CLIC5: variants seen among roughly 807,000 people sequenced by gnomAD.
CLIC5 encodes the protein CLIC family member 5.
Under a neutral mutation model 24.7 loss-of-function variants are expected in CLIC5, and 20 were observed. The ratio of observed to expected loss-of-function variants is 0.81; its 90% CI spans 0.57 to 1.18. CLIC5 has a LOEUF of 1.18. CLIC5 is among the 50% of genes most tolerant of loss of function. The pLI, the probability that CLIC5 is intolerant of heterozygous loss-of-function variation, is 0.00. For synonymous variants in CLIC5, 159 were observed against 135.6 expected, an observed-to-expected ratio of 1.17 and a Z score of -1.20; for missense variants, 341 against 326.1, an observed-to-expected ratio of 1.05 and a Z score of -0.35.
At chr6:45,912,747 G>A in intron 5 of CLIC5, 2 of 1,526,610 alleles carry the variant, frequency 1.3e-6, no homozygotes, top group Non-Finnish European at 1.8e-6. Context: ...TTCCTAAGGA[G>A]AAGAAGAATA....
At chr6:46,017,738 G>T (rs1008604039), upstream of CLIC5, among the ~76,000 whole-genome samples, 1 of 152,220 alleles carries the variant, frequency 6.6e-6, no homozygotes, top group South Asian at 2.1e-4. Flanking sequence ...ATTTACCATG[G>T]TTGGGGTGAG....
intron 4 of CLIC5, among the ~76,000 whole-genome samples, chr6:45,928,907 T>C (rs1339235324): frequency 6.6e-6 from 1 of 152,176 alleles, no homozygotes; most frequent in African/African-American, 2.4e-5. Flanking sequence ...AAAGAACATT[T>C]AACTCATGTG....
the CLIC5 span, among the ~76,000 whole-genome samples, chr6:46,127,581 T>G: frequency 6.6e-6 from 1 of 152,184 alleles, no homozygotes; most frequent in Non-Finnish European, 1.5e-5. Context: ...AATAAGAAAT[T>G]TATGTTACTA....
chr6:46,065,926 C>T (rs1201791654), intron 1 of CLIC5, among the ~76,000 whole-genome samples: 1 of 152,156 alleles, frequency 6.6e-6, no homozygotes, highest in Non-Finnish European at 1.5e-5. Context: ...TATCCCAATA[C>T]TGTTGGCCCC....
chr6:45,918,918 C>T, intron 4 of CLIC5: 1 of 982,856 alleles, frequency 1.0e-6, no homozygotes, highest in Non-Finnish European at 1.2e-6. Context: ...GATGAAGAAA[C>T]TGAGTCTTAG....
chr6:46,032,158 A>G (rs1162521822), intron 1 of CLIC5, among the ~76,000 whole-genome samples: 1 of 152,118 alleles, frequency 6.6e-6, no homozygotes, highest in Admixed American at 6.5e-5. Context: ...GAAACTTACA[A>G]TCATGGTGGA....
upstream of CLIC5, among the ~76,000 whole-genome samples, chr6:46,017,648 A>G (rs111918457): frequency 6.6e-4 from 100 of 152,360 alleles, 1 homozygote; most frequent in African/African-American, 2.2e-3. Flanking sequence ...TCAGAATAAT[A>G]GTTACATGAA....
rs116201007 is a variant in CLIC5, at chr6:46,028,347, G to A, written c.540+51356C>T. On this transcript the variant is annotated intron_variant, in intron 1 of 5. Transcript: ENST00000185206. ...CATACAGCATCACTCATCCCTTCTC[G>A]GGAAGTCCCAGGTGGTTGGAGTCAT... 9.0e-3 allele frequency among the ~76,000 whole-genome samples: 1,365 copies of A among 152,254 alleles called. 20 individuals are homozygous for A. Among genetic ancestry groups the A allele is most frequent in the African/African-American group, 0.029 (1,223 of 41,522 alleles).
At chr6:45,919,745 T>C (rs1471013812) in intron 4 of CLIC5, among the ~76,000 whole-genome samples, 4 of 152,182 alleles carry the variant, frequency 2.6e-5, no homozygotes, top group Non-Finnish European at 5.9e-5. Context: ...TCTACTGTCT[T>C]GTTGAAAATG....
At chr6:46,014,509 T>TGAA (rs1766923460) in intron 1 of CLIC5, 1 of 152,208 alleles carries the variant, frequency 6.6e-6, no homozygotes, top group Admixed American at 6.5e-5. Flanking sequence ...TCCCCCTTTG[T>TGAA]GAAAGGTCTT....
chr6:46,000,341 G>A (rs556507944), intron 1 of CLIC5, among the ~76,000 whole-genome samples: 1 of 152,218 alleles, frequency 6.6e-6, no homozygotes, highest in Non-Finnish European at 1.5e-5. Flanking sequence ...ATAAGATGAT[G>A]GTGCACATGC....
At chr6:46,066,782 T>G (rs904587025) in intron 1 of CLIC5, among the ~76,000 whole-genome samples, 6 of 152,132 alleles carry the variant, frequency 3.9e-5, no homozygotes, top group Non-Finnish European at 7.4e-5. Context: ...TAGAATGATC[T>G]GAAGGTTCAG....
chr6:46,075,174 C>T (rs1762732821), intron 1 of CLIC5, among the ~76,000 whole-genome samples: 1 of 152,048 alleles, frequency 6.6e-6, no homozygotes, highest in Non-Finnish European at 1.5e-5. Context: ...TCATAATGTC[C>T]ATTTTATCAA....
chr6:45,961,275 G>A (rs192404132), intron 1 of CLIC5, among the ~76,000 whole-genome samples: 3 of 152,324 alleles, frequency 2.0e-5, no homozygotes, highest in East Asian at 1.9e-4. Flanking sequence ...AAATAATTTT[G>A]TTAAGTGTAC....
chr6:46,086,548 C>T, the CLIC5 span, among the ~76,000 whole-genome samples: 7,395 of 152,184 alleles, frequency 0.049, 184 homozygotes, highest in Middle Eastern at 0.058. Flanking sequence ...GAGAAGAGGA[C>T]AGTACTGGGC....
chr6:45,920,370 AG>A lies in CLIC5; in HGVS notation c.407-5962del, dbSNP rs1351242280. On this transcript the variant is annotated intron_variant, in intron 4 of 5. Coordinates refer to ENST00000339561, the MANE Select transcript of CLIC5 (RefSeq NM_016929.5). ...GAAATCCATTTGGATTTTTCCTAGG[AG>A]GAAAGAAATATCTAGATATTGAGAA... 1.1e-5 allele frequency: 9 copies of A among 850,316 alleles called. No homozygotes were observed. In the East Asian group the frequency reaches 8.8e-4, roughly 83 times the overall value. The allele number at this position is 850,316 out of a possible 1,614,324, so 52.7% of individuals were successfully genotyped here. A position where few individuals can be genotyped will look rare whatever the true frequency, so the allele number is the denominator to read the frequency against.
chr6:45,926,633 C>T (rs1249313642), intron 4 of CLIC5, among the ~76,000 whole-genome samples: 1 of 152,062 alleles, frequency 6.6e-6, no homozygotes, highest in Non-Finnish European at 1.5e-5. Flanking sequence ...AATAATTTGA[C>T]CTCTGGCTGC....
chr6:46,047,857 A>G (rs1767995974), intron 1 of CLIC5, among the ~76,000 whole-genome samples: 1 of 152,056 alleles, frequency 6.6e-6, no homozygotes, highest in Non-Finnish European at 1.5e-5. Flanking sequence ...AAAAAACAGT[A>G]TTACAGGTAT....
At chr6:45,955,713 A>T (rs1334031108) in intron 1 of CLIC5, among the ~76,000 whole-genome samples, 1 of 152,042 alleles carries the variant, frequency 6.6e-6, no homozygotes, top group South Asian at 2.1e-4. Context: ...TAGCCAAAAT[A>T]TGTTCCTCTG....
Sources: gnomAD v4.1 joint callset for allele counts (sites outside exome capture counted in the v4.1 genomes callset) on GRCh38, gnomAD v4.1.1 for gene constraint, MANE v1.5 for transcripts, NCBI Gene and HGNC (gene_info 2026-07-23, HGNC 2026-07-21) for gene names.